CTNND2: variants seen among roughly 807,000 people sequenced by gnomAD.
CTNND2 encodes catenin delta-2.
A neutral mutation model predicts 144.4 loss-of-function variants in CTNND2; 22 were observed. That is an observed-to-expected ratio of 0.15 (90% CI 0.11 to 0.22). The LOEUF is 0.22. Among genes scored for constraint, CTNND2 ranks in the 10% least tolerant of loss-of-function variants. The pLI is 1.00. For synonymous variants in CTNND2, 751 were observed against 695.6 expected, an observed-to-expected ratio of 1.08 and a Z score of -1.25; for missense variants, 1,353 against 1,618.8, an observed-to-expected ratio of 0.84 and a Z score of 2.82.
intron 12 of CTNND2, among the ~76,000 whole-genome samples, chr5:11,129,346 C>G (rs185145501): frequency 2.1e-5 from 2 of 96,492 alleles, no homozygotes; most frequent in East Asian, 8.3e-4. Flanking sequence ...CATCAAAATT[C>G]TTCCTCGGAG....
At chr5:11,393,615 C>A (rs1049941855) in intron 6 of CTNND2, among the ~76,000 whole-genome samples, 1 of 152,132 alleles carries the variant, frequency 6.6e-6, no homozygotes, top group Non-Finnish European at 1.5e-5. Context: ...TTCTAGCCCA[C>A]CCACAAACCA....
chr5:11,657,558 G>T (rs986751149), intron 2 of CTNND2, among the ~76,000 whole-genome samples: 4 of 151,786 alleles, frequency 2.6e-5, no homozygotes, highest in Non-Finnish European at 4.4e-5. Flanking sequence ...AGTGTCTCAG[G>T]TTTTATGAGT....
intron 2 of CTNND2, among the ~76,000 whole-genome samples, chr5:11,710,272 G>C (rs976052235): frequency 6.6e-6 from 1 of 152,148 alleles, no homozygotes; most frequent in Non-Finnish European, 1.5e-5. Flanking sequence ...GCTGGGTGCC[G>C]TGGCTCACAT....
chr5:11,721,392 C>T (rs1250580537), intron 2 of CTNND2, among the ~76,000 whole-genome samples: 1 of 151,850 alleles, frequency 6.6e-6, no homozygotes, highest in Non-Finnish European at 1.5e-5. Flanking sequence ...TTAAATTCAC[C>T]CCAGGCTACA....
intron 3 of CTNND2, among the ~76,000 whole-genome samples, chr5:11,520,676 T>C (rs1374441433): frequency 6.6e-6 from 1 of 152,212 alleles, no homozygotes; most frequent in Non-Finnish European, 1.5e-5. Flanking sequence ...CCTTGAATTG[T>C]GGCCCTCATC....
chr5:11,322,861 G>A (rs865947192), intron 9 of CTNND2, among the ~76,000 whole-genome samples: 38 of 152,134 alleles, frequency 2.5e-4, no homozygotes, highest in African/African-American at 7.0e-4. Flanking sequence ...GGAGATACCT[G>A]CTCTAAAGGG....
At chr5:11,166,109 T>C (rs1465686013) in intron 11 of CTNND2, among the ~76,000 whole-genome samples, 9 of 152,176 alleles carry the variant, frequency 5.9e-5, no homozygotes, top group Admixed American at 5.2e-4. Flanking sequence ...GTATTTACAA[T>C]TAATTAGTGA....
chr5:11,743,672 T>C (rs1561754376), intron 1 of CTNND2, among the ~76,000 whole-genome samples: 2 of 152,030 alleles, frequency 1.3e-5, no homozygotes, highest in Non-Finnish European at 2.9e-5. Context: ...GGTGTGGCAT[T>C]AGGTCTTATT....
At chr5:11,334,170 T>C (rs555156734) in intron 9 of CTNND2, among the ~76,000 whole-genome samples, 1 of 152,280 alleles carries the variant, frequency 6.6e-6, no homozygotes, top group East Asian at 1.9e-4. Flanking sequence ...TGGCCAGGAT[T>C]TCTTTTTCAC....
At chr5:11,676,829 T>C (rs982350190) in intron 2 of CTNND2, among the ~76,000 whole-genome samples, 1 of 152,228 alleles carries the variant, frequency 6.6e-6, no homozygotes, top group Non-Finnish European at 1.5e-5. Context: ...GCTTAGAACA[T>C]TTCTTATGAA....
chr5:11,489,396 T>C (rs946796490), intron 3 of CTNND2, among the ~76,000 whole-genome samples: 1 of 152,200 alleles, frequency 6.6e-6, no homozygotes, highest in Non-Finnish European at 1.5e-5. Flanking sequence ...CTACTTCTTT[T>C]TGACCATATT....
chr5:11,695,701 T>C (rs566191755), intron 2 of CTNND2, among the ~76,000 whole-genome samples: 1 of 152,350 alleles, frequency 6.6e-6, no homozygotes, highest in South Asian at 2.1e-4. Flanking sequence ...TCTCATGCTG[T>C]CTTATCATTT....
intron 1 of CTNND2, among the ~76,000 whole-genome samples, chr5:11,871,429 T>C (rs1189664875): frequency 6.6e-6 from 1 of 152,170 alleles, no homozygotes; most frequent in African/African-American, 2.4e-5. Context: ...AGGGAGTTAA[T>C]ATTCGTAAAG....
chr5:11,323,335 A>G (rs1231589498), intron 9 of CTNND2, among the ~76,000 whole-genome samples: 1 of 152,042 alleles, frequency 6.6e-6, no homozygotes, highest in Non-Finnish European at 1.5e-5. Context: ...CAGGCATGAA[A>G]CACTGCATCC....
At chr5:11,312,984 T>A (rs759874790) in intron 9 of CTNND2, among the ~76,000 whole-genome samples, 4 of 151,950 alleles carry the variant, frequency 2.6e-5, no homozygotes, top group Non-Finnish European at 5.9e-5. Flanking sequence ...TTGCAGCTCC[T>A]TTGGCCCTGA....
At chr5:11,609,987 T>G (rs1252085717) in intron 2 of CTNND2, among the ~76,000 whole-genome samples, 1 of 152,224 alleles carries the variant, frequency 6.6e-6, no homozygotes, top group Non-Finnish European at 1.5e-5. Flanking sequence ...TTAGTCTTGA[T>G]TTATTTGACA....
At chr5:11,278,246 T>C (rs188921553) in intron 9 of CTNND2, among the ~76,000 whole-genome samples, 29 of 152,332 alleles carry the variant, frequency 1.9e-4, no homozygotes, top group East Asian at 1.7e-3. Flanking sequence ...CCCTCTTGCA[T>C]GTCTGGCCTT....
chr5:11,809,629 G>A (rs867929817), intron 1 of CTNND2, among the ~76,000 whole-genome samples: 7 of 152,112 alleles, frequency 4.6e-5, no homozygotes, highest in African/African-American at 1.4e-4. Context: ...CATCATCATC[G>A]CCAAATATTG....
chr5:11,712,649 T>C (rs1031365080), intron 2 of CTNND2, among the ~76,000 whole-genome samples: 1 of 152,208 alleles, frequency 6.6e-6, no homozygotes. Context: ...GCTAATTCAA[T>C]AGGTATAATT....
Sources: gnomAD v4.1 joint callset for allele counts (sites outside exome capture counted in the v4.1 genomes callset) on GRCh38, gnomAD v4.1.1 for gene constraint, MANE v1.5 for transcripts, NCBI Gene and HGNC (gene_info 2026-07-23, HGNC 2026-07-21) for gene names.